B3GNT2: variants seen among roughly 807,000 people sequenced by gnomAD.
B3GNT2 encodes the protein UDP-GlcNAc:betaGal beta-1,3-N-acetylglucosaminyltransferase 2, also known as N-acetyllactosaminide beta-1,3-N-acetylglucosaminyltransferase 2.
Under a neutral mutation model 27.6 loss-of-function variants are expected in B3GNT2, and 12 were observed. That is an observed-to-expected ratio of 0.44 (90% CI 0.28 to 0.71). The LOEUF (loss-of-function observed/expected upper bound fraction) is 0.71. Ranked by LOEUF, B3GNT2 falls within the 30% of genes least tolerant of loss-of-function variation. B3GNT2 has a pLI of 0.17. For missense variants in B3GNT2, 413 were observed against 488.5 expected, an observed-to-expected ratio of 0.85 and a Z score of 1.46; for synonymous variants, 192 against 189.7, an observed-to-expected ratio of 1.01 and a Z score of -0.10.
rs977546648 is a variant in B3GNT2, at chr2:62,208,378, G to A, written c.-10+12023G>A. Among the ~76,000 whole-genome samples, 19 of 152,196 alleles carry A rather than the reference G, an allele frequency of 1.2e-4. No homozygotes were observed. The East Asian group carries it at 1.4e-3, about 11-fold the overall frequency. ...CAGTAAATGTAATTTATGCTTGTGC[G>A]TTTCTATTAATTTTTAATTGCCTTC... On this transcript the variant is annotated intron_variant, in intron 1 of 1. Transcript: ENST00000301998.
chr2:62,210,642 C>T (rs917992761), intron 1 of B3GNT2, among the ~76,000 whole-genome samples: 11 of 151,770 alleles, frequency 7.2e-5, no homozygotes, highest in Admixed American at 1.3e-4. Context: ...TGGTGGTGGG[C>T]GCCTACAGTC....
chr2:62,202,726 A>C (rs1674292837), intron 1 of B3GNT2, among the ~76,000 whole-genome samples: 1 of 152,196 alleles, frequency 6.6e-6, no homozygotes, highest in Non-Finnish European at 1.5e-5. Flanking sequence ...AAGAAGCTGG[A>C]GGGATCCTTT....
Position 62,222,157 on chromosome 2 carries a change from T to G in B3GNT2, c.-9-55T>G, listed in dbSNP as rs776342433. Reference sequence around the variant, plus strand: ...GGGGAGACAGGTAAAATAAATTGTATGTGCAAATGCAAATTGATAAGTAAT... The same window carrying G: ...GGGGAGACAGGTAAAATAAATTGTAGGTGCAAATGCAAATTGATAAGTAAT... On this transcript the variant is annotated intron_variant, in intron 1 of 1. Transcript: ENST00000301998. The surrounding 1 kb of genome is among the most constrained non-coding windows in gnomAD (Gnocchi z 4.2). 10 of 1,429,542 alleles carry G rather than the reference T, an allele frequency of 7.0e-6. No homozygotes were observed. The highest frequency in any genetic ancestry group is 8.5e-6 in the Non-Finnish European group (9 of 1,054,164). The allele number at this position is 1,429,542 out of a possible 1,614,324, so 88.6% of individuals were successfully genotyped here. A position where few individuals can be genotyped will look rare whatever the true frequency, so the allele number is the denominator to read the frequency against.
Position 62,202,756 on chromosome 2 carries a change from G to C in B3GNT2, c.-10+6401G>C, listed in dbSNP as rs139995093. Among the ~76,000 whole-genome samples the C allele has an allele frequency of 3.4e-3, 515 of 152,246 alleles. 1 individual carries two copies. The highest frequency in any genetic ancestry group is 0.012 in the African/African-American group (490 of 41,528). On this transcript the variant is annotated intron_variant, in intron 1 of 1. Coordinates refer to ENST00000301998, the MANE Select transcript of B3GNT2 (RefSeq NM_006577.6). Reference sequence around the variant, plus strand: ...TCCTTTAAAAACTGAAATGACTTGAGGTTACTTTTCTACTCAGAATCCTCC... The same window carrying C: ...TCCTTTAAAAACTGAAATGACTTGACGTTACTTTTCTACTCAGAATCCTCC...
At position 62,222,121 on chromosome 2, in the gene B3GNT2, C is replaced by A; in HGVS notation, c.-9-91C>A. 1 of 1,168,980 alleles carries A rather than the reference C, an allele frequency of 8.6e-7. No individual in the cohort carries two copies. The highest frequency in any genetic ancestry group is 1.2e-6 in the Non-Finnish European group (1 of 833,728). The allele number at this position is 1,168,980 out of a possible 1,614,324, so 72.4% of individuals were successfully genotyped here. On this transcript the variant is annotated intron_variant, in intron 1 of 1. Transcript: ENST00000301998. This position sits in a 1 kb window ranked among gnomAD's most constrained non-coding sequence, Gnocchi z 4.2. Reference sequence around the variant, plus strand: ...GCAAGTGTAGAGTCTTTGCTGTAAACCACTATTCCTGGGGAGACAGGTAAA... The same window carrying A: ...GCAAGTGTAGAGTCTTTGCTGTAAAACACTATTCCTGGGGAGACAGGTAAA...
At chr2:62,209,562 T>G (rs1431677481) in intron 1 of B3GNT2, among the ~76,000 whole-genome samples, 9 of 152,280 alleles carry the variant, frequency 5.9e-5, no homozygotes, top group Middle Eastern at 3.4e-3. Flanking sequence ...GAGGATCACT[T>G]GAGCCCAGGA....
intron 1 of B3GNT2, among the ~76,000 whole-genome samples, chr2:62,220,892 C>T (rs1293098723): frequency 6.6e-6 from 1 of 152,216 alleles, no homozygotes; most frequent in Non-Finnish European, 1.5e-5. Flanking sequence ...CAAACCATCT[C>T]ATTACTCATT....
At chr2:62,202,069 C>T (rs1232049073) in intron 1 of B3GNT2, among the ~76,000 whole-genome samples, 4 of 152,222 alleles carry the variant, frequency 2.6e-5, no homozygotes, top group Non-Finnish European at 4.4e-5. Context: ...CCATTAAGAC[C>T]TCAAGATGTT....
chr2:62,210,092 T>C (rs1674452873), intron 1 of B3GNT2, among the ~76,000 whole-genome samples: 1 of 152,248 alleles, frequency 6.6e-6, no homozygotes, highest in African/African-American at 2.4e-5. Context: ...CGATTCCCCC[T>C]GCCTTTCCTT....
intron 1 of B3GNT2, among the ~76,000 whole-genome samples, chr2:62,203,364 G>A (rs538445359): frequency 2.6e-5 from 4 of 152,284 alleles, no homozygotes; most frequent in African/African-American, 9.6e-5. Context: ...TAGCATACGG[G>A]ATATGGGAGT....
At chr2:62,201,413 G>A (rs964764134) in intron 1 of B3GNT2, among the ~76,000 whole-genome samples, 1 of 152,208 alleles carries the variant, frequency 6.6e-6, no homozygotes, top group African/African-American at 2.4e-5. Context: ...TCATCAATAA[G>A]TGCCCAAGAT....
Position 62,222,738 on chromosome 2 carries a change from A to G in B3GNT2, c.518A>G (p.Asn173Ser), listed in dbSNP as rs1381450572. The change falls in exon 2 of 2, where the codon AAC becomes AGC. Residue 173 changes from asparagine (N) to serine (S), a missense_variant. Coordinates refer to ENST00000301998, the MANE Select transcript of B3GNT2 (RefSeq NM_006577.6). The surrounding 1 kb of genome is among the most constrained non-coding windows in gnomAD (Gnocchi z 4.2). ...ESWGQESNAG[N>S]QTVVRVFLLG... is the part of the protein sequence containing the mutation. The stretch of plus-strand genomic sequence containing the variant: ...TGGGGCCAAGAAAGCAACGCAGGGA[A>G]CCAAACGGTGGTGCGAGTCTTCCTG... 1.2e-6 allele frequency: 2 copies of G among 1,614,194 alleles called. No individual in the cohort carries two copies. Among genetic ancestry groups the G allele is most frequent in the East Asian group, 2.2e-5 (1 of 44,886 alleles).
At chr2:62,199,230 C>T (rs931463884) in intron 1 of B3GNT2, among the ~76,000 whole-genome samples, 2 of 152,224 alleles carry the variant, frequency 1.3e-5, no homozygotes, top group African/African-American at 4.8e-5. Context: ...TAAGCCACCG[C>T]GCCTGGCCTT....
chr2:62,198,272 T>C (rs1674194063), intron 1 of B3GNT2, among the ~76,000 whole-genome samples: 1 of 152,232 alleles, frequency 6.6e-6, no homozygotes, highest in Non-Finnish European at 1.5e-5. Flanking sequence ...TTGGGCAAGT[T>C]ATTCTTCACC....
At chr2:62,206,259 G>A (rs558260715) in intron 1 of B3GNT2, among the ~76,000 whole-genome samples, 8 of 152,192 alleles carry the variant, frequency 5.3e-5, no homozygotes, top group Admixed American at 4.6e-4. Flanking sequence ...GGCTGGGGGC[G>A]GCCCATCTGG....
In B3GNT2 at chr2:62,222,785, G is replaced by A. The variant is rs1172643345; in HGVS notation, c.565G>A (p.Asp189Asn). The A allele has an allele frequency of 1.1e-5, 18 of 1,614,078 alleles. No homozygotes were observed. Among genetic ancestry groups the A allele is most frequent in the South Asian group, 8.8e-5 (8 of 91,082 alleles). The change falls in exon 2 of 2, where the codon GAC becomes AAC. Residue 189 changes from aspartate (D) to asparagine (N), a missense_variant. By Grantham distance (23) the Asp-to-Asn change is conservative. Coordinates refer to ENST00000301998, the MANE Select transcript of B3GNT2 (RefSeq NM_006577.6). The surrounding 1 kb of genome is among the most constrained non-coding windows in gnomAD (Gnocchi z 4.2). ...VFLLGQTPPE[D>N]NHPDLSDMLK... Reference sequence around the variant, plus strand: ...CCTGCTGGGCCAGACACCCCCAGAGGACAACCACCCCGACCTTTCAGATAT... The same window carrying A: ...CCTGCTGGGCCAGACACCCCCAGAGAACAACCACCCCGACCTTTCAGATAT...
intron 1 of B3GNT2, among the ~76,000 whole-genome samples, chr2:62,214,678 C>G (rs1417006331): frequency 6.6e-6 from 1 of 152,094 alleles, no homozygotes; most frequent in Admixed American, 6.5e-5. Flanking sequence ...AAGGCAGACC[C>G]CTGAAGAGCT....
chr2:62,221,693 T>G, intron 1 of B3GNT2: 1 of 330,598 alleles, frequency 3.0e-6, no homozygotes. Context: ...AACTTGAGAG[T>G]GAATGACATG....
At chr2:62,209,977 A>G (rs2104197491) in intron 1 of B3GNT2, among the ~76,000 whole-genome samples, 1 of 152,346 alleles carries the variant, frequency 6.6e-6, no homozygotes, top group South Asian at 2.1e-4. Context: ...AAGTGTTACC[A>G]GACCAGGACC....
Sources: gnomAD v4.1 joint callset for allele counts (sites outside exome capture counted in the v4.1 genomes callset) on GRCh38, gnomAD v4.1.1 for gene constraint, Gnocchi (gnomAD v3.1) non-coding constraint, MANE v1.5 for transcripts, NCBI Gene and HGNC (gene_info 2026-07-23, HGNC 2026-07-21) for gene names.